Variants in CCDC92B observed in about 807,000 individuals in gnomAD.
CCDC92B encodes the protein coiled-coil domain containing 92B.
In CCDC92B, 2 loss-of-function variants were observed where a neutral mutation model predicts 5.6. That is an observed-to-expected ratio of 0.36 (90% CI 0.15 to 1.12). The LOEUF (loss-of-function observed/expected upper bound fraction) is 1.12, where lower values mean the gene tolerates loss of function less well. Ranked by LOEUF, CCDC92B falls within the 50% of genes most tolerant of loss-of-function variation. CCDC92B has a pLI of 0.40. For missense variants in CCDC92B, 271 were observed against 262.2 expected (o/e 1.03, Z -0.23); for synonymous variants, 115 against 122.3 (o/e 0.94, Z 0.39).
chr17:2,721,686 TATCTGC>T lies in CCDC92B; in HGVS notation c.*2719_*2724del, dbSNP rs1262211727. 6.6e-6 allele frequency: 1 copy of T among 152,248 alleles called. No homozygotes were observed. The highest frequency in any genetic ancestry group is 6.6e-5 in the Admixed American group (1 of 15,266). The allele number at this position is 152,248 out of a possible 1,614,324, so 9.4% of individuals were successfully genotyped here. On this transcript the variant is annotated 3_prime_UTR_variant, in exon 4 of 4. Transcript: ENST00000614400. The stretch of plus-strand genomic sequence containing the variant: ...AATTTCTGTGAAAACTGGAACCCTG[TATCTGC>T]TACAGGTGCTCCCCCAGCTTGCCTT...
Position 2,729,905 on chromosome 17 carries a change from C to T in CCDC92B, c.178+541G>A, listed in dbSNP as rs55986158. Among the ~76,000 whole-genome samples, 1,181 of 152,158 alleles carry T rather than the reference C, an allele frequency of 7.8e-3. 13 individuals are homozygous for T. Among genetic ancestry groups the T allele is most frequent in the Non-Finnish European group, 0.012 (806 of 68,012 alleles). Reference sequence around the variant, plus strand: ...ACTAATGTGTGTGTGTTTCTTTTCTCGTATAGAACAAGTTCCTTGAAGTCA... The same window carrying T: ...ACTAATGTGTGTGTGTTTCTTTTCTTGTATAGAACAAGTTCCTTGAAGTCA... On this transcript the variant is annotated intron_variant, in intron 3 of 3. Coordinates refer to ENST00000614400, the MANE Select transcript of CCDC92B (RefSeq NM_001355573.2).
chr17:2,743,004 T>C lies in CCDC92B; in HGVS notation c.-24+6407A>G, dbSNP rs74427110. 2.6e-3 allele frequency among the ~76,000 whole-genome samples: 398 copies of C among 152,318 alleles called. 4 individuals are homozygous for C. Among genetic ancestry groups the C allele is most frequent in the African/African-American group, 8.9e-3 (370 of 41,556 alleles). On this transcript the variant is annotated intron_variant, in intron 1 of 3. Coordinates refer to ENST00000614400, the MANE Select transcript of CCDC92B (RefSeq NM_001355573.2). ...TATCCCAAAGCCAGTCACTTCTCAC[T>C]ATCTCCATCGTCATCACCCAAGTCC...
intron 3 of CCDC92B, among the ~76,000 whole-genome samples, chr17:2,727,996 C>G (rs759970900): frequency 1.7e-4 from 26 of 151,930 alleles, no homozygotes; most frequent in Non-Finnish European, 3.5e-4. Flanking sequence ...GACAACAGAG[C>G]AAGATCCTGT....
At chr17:2,725,433 C>A (rs1443722213) in intron 3 of CCDC92B, among the ~76,000 whole-genome samples, 2 of 151,718 alleles carry the variant, frequency 1.3e-5, no homozygotes, top group Admixed American at 1.3e-4. Context: ...CCCCACGTCC[C>A]CACCTGCACG....
Position 2,724,507 on chromosome 17 carries a change from G to T in CCDC92B, c.672C>A (p.Ala224=). The part of the protein sequence containing the change: ...LYARRPLRPS[A]RSPRQPPPQE... ...GGGGAGGCGGCTGGCGCGGGCTGCG[G>T]GCGCTGGGCCGCAGCGGCCTGCGTG... The change falls in exon 4 of 4, where the codon GCC becomes GCA. Residue 224 remains alanine (A), a synonymous_variant. Coordinates refer to ENST00000614400, the MANE Select transcript of CCDC92B (RefSeq NM_001355573.2). The surrounding 1 kb of genome is among the most constrained non-coding windows in gnomAD (Gnocchi z 5.0). The T allele has an allele frequency of 1.1e-5, 11 of 981,046 alleles. No homozygotes were observed. Among genetic ancestry groups the T allele is most frequent in the South Asian group, 4.7e-5 (1 of 21,472 alleles). The allele number at this position is 981,046 out of a possible 1,614,324, so 60.8% of individuals were successfully genotyped here. A position where few individuals can be genotyped will look rare whatever the true frequency, so the allele number is the denominator to read the frequency against.
intron 3 of CCDC92B, among the ~76,000 whole-genome samples, chr17:2,726,913 C>CTTTTTTT (rs564106911): frequency 7.4e-6 from 1 of 135,612 alleles, no homozygotes; most frequent in African/African-American, 2.8e-5. Flanking sequence ...ACGCCCAGCC[C>CTTTTTTT]TTTTTTTTTT....
intron 3 of CCDC92B, among the ~76,000 whole-genome samples, chr17:2,727,644 C>A (rs185520807): frequency 6.6e-6 from 1 of 151,794 alleles, no homozygotes; most frequent in Non-Finnish European, 1.5e-5. Context: ...GCCAGCATGG[C>A]GAAACCCCGT....
rs2070675553 is a variant in CCDC92B, at chr17:2,723,077, G to C, written c.*1334C>G. 6.5e-6 allele frequency: 1 copy of C among 152,960 alleles called. No homozygotes were observed. Among genetic ancestry groups the C allele is most frequent in the Non-Finnish European group, 1.5e-5 (1 of 68,666 alleles). The allele number at this position is 152,960 out of a possible 1,614,324, so 9.5% of individuals were successfully genotyped here. On this transcript the variant is annotated 3_prime_UTR_variant, in exon 4 of 4. Transcript: ENST00000614400. ...CTGCCAGATTCTGATAGGTTTAGGG[G>C]CATCCGTGGAGGGGGCCAGGATGGG...
chr17:2,731,679 T>C (rs1410648558), intron 2 of CCDC92B, among the ~76,000 whole-genome samples: 7 of 152,204 alleles, frequency 4.6e-5, no homozygotes, highest in Non-Finnish European at 1.5e-5. Context: ...TCAGGGTGCC[T>C]GAGCCTTCTG....
chr17:2,734,059 C>T (rs1252162289), intron 2 of CCDC92B, among the ~76,000 whole-genome samples: 1 of 152,130 alleles, frequency 6.6e-6, no homozygotes, highest in African/African-American at 2.4e-5. Flanking sequence ...CGTGCCTGGC[C>T]TCCAGCTGGA....
At chr17:2,746,796 G>A (rs1421250246) in intron 1 of CCDC92B, among the ~76,000 whole-genome samples, 1 of 151,832 alleles carries the variant, frequency 6.6e-6, no homozygotes, top group Non-Finnish European at 1.5e-5. Context: ...TCAGCCTCCC[G>A]AGTAGCTGGA....
chr17:2,727,839 G>A (rs1328285837), intron 3 of CCDC92B, among the ~76,000 whole-genome samples: 2 of 142,634 alleles, frequency 1.4e-5, no homozygotes, highest in Non-Finnish European at 3.1e-5. Context: ...AAAAAAAAAC[G>A]AAAGAGGACA....
rs995417080 is a variant in CCDC92B, at chr17:2,724,941, G to C, written c.238C>G (p.Arg80Gly). 1.3e-5 allele frequency: 13 copies of C among 985,406 alleles called. No homozygotes were observed. Among genetic ancestry groups the C allele is most frequent in the Non-Finnish European group, 1.6e-5 (13 of 830,028 alleles). 61.0% of individuals were successfully genotyped at this position (985,406 alleles called of 1,614,324 possible). The part of the protein sequence containing the change: ...CRALESQLEA[R>G]AAANAELRRE... ...CGCAGCTCCGCGTTGGCCGCAGCAC[G>C]CGCCTCCAGCTGCGACTCCAGCGCG... The change falls in exon 4 of 4, where the codon CGT (arginine) becomes GGT (glycine). Residue 80 changes from arginine to glycine, a missense_variant. Transcript: ENST00000614400. This position sits in a 1 kb window ranked among gnomAD's most constrained non-coding sequence, Gnocchi z 5.0.
In CCDC92B at chr17:2,734,991, G is replaced by A. The variant is rs534531412; in HGVS notation, c.130+25C>T. ...TGATGACAGTGACCTCTCCCCACCC[G>A]TCCAGCCGCCTCTCCTGGCCTCACC... On this transcript the variant is annotated intron_variant, in intron 2 of 3. Coordinates refer to ENST00000614400, the MANE Select transcript of CCDC92B (RefSeq NM_001355573.2). 2.1e-5 allele frequency: 21 copies of A among 985,452 alleles called. No homozygotes were observed. In the East Asian group the frequency reaches 7.9e-4, roughly 37 times the overall value. 61.0% of individuals were successfully genotyped at this position (985,452 alleles called of 1,614,324 possible).
rs34254249 is a variant in CCDC92B, at chr17:2,737,465, C to CT, written c.-23-2298dup. Among the ~76,000 whole-genome samples, 262 of 60,370 alleles carry CT rather than the reference C, an allele frequency of 4.3e-3. 26 individuals are homozygous for CT. The highest frequency in any genetic ancestry group is 5.5e-3 in the Non-Finnish European group (184 of 33,602). 39.6% of individuals were successfully genotyped at this position (60,370 alleles called of 152,430 possible). On this transcript the variant is annotated intron_variant, in intron 1 of 3. Transcript: ENST00000614400. ...CCCTAATCCAACCAAATAGGCCTTT[C>CT]TTTTTTTTTTTTTTTTTTTTTTTTT...
chr17:2,734,987 A>ACCCGTCCAGCCGCCTCTCC, intron 2 of CCDC92B, 29 bp downstream of exon 2: 1 of 985,102 alleles, frequency 1.0e-6, no homozygotes, highest in Non-Finnish European at 1.2e-6. Context: ...ACCTCTCCCC[A>ACCCGTCCAGCCGCCTCTCC]CCCGTCCAGC....
intron 1 of CCDC92B, chr17:2,748,624 G>A (rs2071017103): frequency 1.0e-6 from 1 of 982,758 alleles, no homozygotes; most frequent in African/African-American, 1.8e-5. Flanking sequence ...CTCTTGCAAG[G>A]AACAGGCCCA....
intron 1 of CCDC92B, among the ~76,000 whole-genome samples, chr17:2,745,682 C>G (rs767350906): frequency 4.6e-5 from 7 of 152,280 alleles, no homozygotes; most frequent in Admixed American, 4.6e-4. Flanking sequence ...GGAAAACGTC[C>G]GATTTTCCCA....
At position 2,724,849 on chromosome 17, in the gene CCDC92B, G is replaced by A; in HGVS notation, c.330C>T (p.Arg110=). ...GGCGGCGCAGCTCCTCCAGGAAGCGGCGCTCCTCGGTGCGCAGGCTGCAGC... is the reference window on the plus strand; with the variant it reads ...GGCGGCGCAGCTCCTCCAGGAAGCGACGCTCCTCGGTGCGCAGGCTGCAGC... ...ALRCSLRTEE[R]RFLEELRRRS... The change falls in exon 4 of 4, where the codon CGC becomes CGT. Residue 110 remains arginine (R), a synonymous_variant. Transcript: ENST00000614400. This position sits in a 1 kb window ranked among gnomAD's most constrained non-coding sequence, Gnocchi z 5.0. 1.0e-6 allele frequency: 1 copy of A among 985,174 alleles called. No individual in the cohort carries two copies. Among genetic ancestry groups the A allele is most frequent in the Non-Finnish European group, 1.2e-6 (1 of 829,832 alleles). The allele number at this position is 985,174 out of a possible 1,614,324, so 61.0% of individuals were successfully genotyped here.
Sources: allele counts gnomAD v4.1 joint callset (sites outside exome capture counted in the v4.1 genomes callset), GRCh38; gene constraint gnomAD v4.1.1; non-coding constraint Gnocchi (gnomAD v3.1); transcripts MANE v1.5; gene names NCBI Gene and HGNC (gene_info 2026-07-23, HGNC 2026-07-21).